The following ATP2C1 variants were observed in gnomAD, a reference collection of about 807,000 sequenced individuals.
ATP2C1 encodes ATPase secretory pathway Ca2+ transporting 1, also known as calcium-transporting ATPase type 2C member 1.
ATP2C1 carries 31 observed loss-of-function variants against 120.5 expected under a neutral mutation model. The observed-to-expected ratio is 0.26, with a 90% CI of 0.19 to 0.35. The LOEUF (loss-of-function observed/expected upper bound fraction) is 0.35, where lower values mean the gene tolerates loss of function less well. Among genes scored for constraint, ATP2C1 ranks in the 10% least tolerant of loss-of-function variants. The pLI is 1.00. For missense variants in ATP2C1, 731 were observed against 1,107.5 expected (o/e 0.66, Z 4.83); for synonymous variants, 351 against 358.7 (o/e 0.98, Z 0.24).
intron 12 of ATP2C1, among the ~76,000 whole-genome samples, chr3:130,962,468 T>A (rs2060861114): frequency 6.6e-6 from 1 of 151,782 alleles, no homozygotes; most frequent in South Asian, 2.1e-4. Flanking sequence ...ATGTTCCAAG[T>A]TCACCAAAAG....
At chr3:130,917,922 A>G (rs902552394) in intron 2 of ATP2C1, among the ~76,000 whole-genome samples, 1 of 149,920 alleles carries the variant, frequency 6.7e-6, no homozygotes, top group African/African-American at 2.5e-5. Flanking sequence ...GGCTTATTTC[A>G]CTTAGCATGG....
intron 8 of ATP2C1, among the ~76,000 whole-genome samples, chr3:130,945,199 T>C (rs1256081538): frequency 6.6e-6 from 1 of 151,954 alleles, no homozygotes; most frequent in East Asian, 1.9e-4. Context: ...TGTTTTTTTT[T>C]CCCCCGAGGG....
intron 10 of ATP2C1, among the ~76,000 whole-genome samples, chr3:130,955,299 T>C (rs1051795605): frequency 6.6e-6 from 1 of 152,194 alleles, no homozygotes; most frequent in African/African-American, 2.4e-5. Flanking sequence ...TTACTCATTG[T>C]TTATAGCAGA....
At chr3:130,970,369 T>TAC (rs201337484) in intron 17 of ATP2C1, among the ~76,000 whole-genome samples, 28,966 of 130,494 alleles carry the variant, frequency 0.22, 3,633 homozygotes, top group South Asian at 0.32. Context: ...AAAAAAAAAT[T>TAC]ACACACACAC....
chr3:130,907,660 A>G (rs1488256784), intron 2 of ATP2C1, among the ~76,000 whole-genome samples: 5 of 149,534 alleles, frequency 3.3e-5, no homozygotes, highest in African/African-American at 1.2e-4. Context: ...TAATGTTTTG[A>G]TTACTGTAGG....
upstream of ATP2C1, among the ~76,000 whole-genome samples, chr3:130,891,829 G>A (rs754955194): frequency 2.0e-5 from 3 of 152,080 alleles, no homozygotes; most frequent in Non-Finnish European, 2.9e-5. Context: ...ATACATATGT[G>A]TGTGTATGAC....
Position 130,975,407 on chromosome 3 carries a change from G to A in ATP2C1, c.1489G>A (p.Gly497Arg), listed in dbSNP as rs2061495006. ...GTACTGTACTACATACCAGAGCAAA[G>A]GGCAGACCTTGACACTTACTCAGCA... ...IKYCTTYQSK[G>R]QTLTLTQQQR... Residue 497 changes from glycine (G) to arginine (R), a missense_variant, in exon 18 of 28, where the codon GGG (glycine) becomes AGG (arginine). Transcript: ENST00000510168. 1 of 1,613,906 alleles carries A rather than the reference G, an allele frequency of 6.2e-7. No individual in the cohort carries two copies. The highest frequency in any genetic ancestry group is 8.5e-7 in the Non-Finnish European group (1 of 1,179,866).
intron 2 of ATP2C1, among the ~76,000 whole-genome samples, chr3:130,895,357 C>T (rs944288210): frequency 2.6e-5 from 4 of 152,182 alleles, no homozygotes; most frequent in African/African-American, 9.7e-5. Flanking sequence ...AGGCTGACAG[C>T]GGAACCTGTT....
At chr3:130,995,879 A>G (rs760447500) in intron 22 of ATP2C1, among the ~76,000 whole-genome samples, 164 bp from the exon 23 acceptor site, 3 of 152,204 alleles carry the variant, frequency 2.0e-5, no homozygotes, top group Non-Finnish European at 4.4e-5. Context: ...TCGTGACCCC[A>G]GGTGATCTGC....
At chr3:130,927,025 G>C (rs1440115993) in intron 2 of ATP2C1, among the ~76,000 whole-genome samples, 1 of 152,156 alleles carries the variant, frequency 6.6e-6, no homozygotes, top group African/African-American at 2.4e-5. Flanking sequence ...TGCCACATCA[G>C]ATCCTTTTAC....
chr3:130,852,676 A>G (rs566370912), intron 1 of ATP2C1, among the ~76,000 whole-genome samples: 4 of 152,244 alleles, frequency 2.6e-5, no homozygotes, highest in Non-Finnish European at 5.9e-5. Context: ...AATTAGAGAA[A>G]TTAGGTCAGA....
At chr3:130,902,002 C>T (rs184841967) in intron 2 of ATP2C1, among the ~76,000 whole-genome samples, 5 of 152,146 alleles carry the variant, frequency 3.3e-5, no homozygotes, top group African/African-American at 4.8e-5. Context: ...TACCTCCCCC[C>T]GCCACCCTCA....
At chr3:130,881,824 T>C (rs1318940196) in intron 1 of ATP2C1, among the ~76,000 whole-genome samples, 1 of 152,188 alleles carries the variant, frequency 6.6e-6, no homozygotes, top group Non-Finnish European at 1.5e-5. Flanking sequence ...GGCTATTACA[T>C]GTGGGATTAT....
chr3:130,975,415 C>T lies in ATP2C1; in HGVS notation c.1497C>T (p.Thr499=). The T allele has an allele frequency of 6.2e-7, 1 of 1,613,858 alleles. No homozygotes were observed. The highest frequency in any genetic ancestry group is 8.5e-7 in the Non-Finnish European group (1 of 1,179,890). Residue 499 remains threonine (T), a synonymous_variant, in exon 18 of 28, where the codon ACC becomes ACT. Coordinates refer to ENST00000510168, the MANE Select transcript of ATP2C1 (RefSeq NM_001378687.1). ...CTACATACCAGAGCAAAGGGCAGAC[C>T]TTGACACTTACTCAGCAGCAGAGAG... ...YCTTYQSKGQ[T]LTLTQQQRDV...
In ATP2C1 at chr3:130,999,613, T is replaced by G. The variant is rs752531690; in HGVS notation, c.2583T>G (p.Phe861Leu). The change falls in exon 27 of 28, where the codon TTT becomes TTG. Residue 861 changes from phenylalanine to leucine, a missense_variant. Around this residue, in one of 3 missense-constraint regions of ATP2C1, gnomAD observed 141 missense variants for 201.6 expected, o/e 0.70. Coordinates refer to ENST00000510168, the MANE Select transcript of ATP2C1 (RefSeq NM_001378687.1). ...TGGGACAATTACTAGTTATTTACTT[T>G]CCTCCGCTTCAGAAGGTTTTTCAGA... is the stretch of plus-strand genomic sequence containing the variant. ...SIMGQLLVIYFPPLQKVFQTE... is the reference protein window; with the variant it reads ...SIMGQLLVIYLPPLQKVFQTE... 1 of 1,613,624 alleles carries G rather than the reference T, an allele frequency of 6.2e-7. No individual in the cohort carries two copies. Among genetic ancestry groups the G allele is most frequent in the Admixed American group, 1.7e-5 (1 of 60,016 alleles).
intron 1 of ATP2C1, among the ~76,000 whole-genome samples, chr3:130,862,573 T>G (rs114154256): frequency 1.3e-5 from 2 of 152,062 alleles, no homozygotes; most frequent in South Asian, 4.1e-4. Flanking sequence ...TCTAGAAAAG[T>G]TCCATCGCCT....
At chr3:130,980,514 A>G in intron 19 of ATP2C1, 68 bp from the exon 20 acceptor site, 2 of 1,069,792 alleles carry the variant, frequency 1.9e-6, no homozygotes, top group South Asian at 1.3e-5. Flanking sequence ...CTAAATGAGC[A>G]TTACGTTGAC....
chr3:130,938,109 A>C (rs1448781377), intron 6 of ATP2C1, among the ~76,000 whole-genome samples: 1 of 152,248 alleles, frequency 6.6e-6, no homozygotes, highest in Non-Finnish European at 1.5e-5. Flanking sequence ...ATCTGAATCA[A>C]AGTAATTCAA....
intron 2 of ATP2C1, among the ~76,000 whole-genome samples, chr3:130,903,497 A>C (rs1460239241): frequency 6.6e-6 from 1 of 152,014 alleles, no homozygotes; most frequent in Non-Finnish European, 1.5e-5. Flanking sequence ...TTGGTTTGTC[A>C]TAGCCTGTAA....
Sources: allele counts gnomAD v4.1 joint callset (sites outside exome capture counted in the v4.1 genomes callset), GRCh38; gene constraint gnomAD v4.1.1; regional missense constraint gnomAD v4.1.1; transcripts MANE v1.5; gene names NCBI Gene and HGNC (gene_info 2026-07-23, HGNC 2026-07-21).